Variants in SMARCC1 observed in about 807,000 individuals in gnomAD.
SMARCC1 encodes SWI/SNF complex subunit SMARCC1.
In SMARCC1, 43 loss-of-function variants were observed where a neutral mutation model predicts 147.4. The ratio of observed to expected loss-of-function variants is 0.29; its 90% CI spans 0.23 to 0.38. The LOEUF is 0.38. Ranked by LOEUF, SMARCC1 falls within the 10% of genes least tolerant of loss-of-function variation. The probability of loss-of-function intolerance (pLI) is 1.00; values close to 1 mark genes in which losing one functional copy is unlikely to be tolerated. For missense variants in SMARCC1, 1,119 were observed against 1,381.1 expected, an observed-to-expected ratio of 0.81 and a Z score of 3.01; for synonymous variants, 495 against 484.4, an observed-to-expected ratio of 1.02 and a Z score of -0.29.
intron 21 of SMARCC1, among the ~76,000 whole-genome samples, chr3:47,650,289 AATAATAATAATT>A (rs1465543432): frequency 7.1e-6 from 1 of 140,002 alleles, no homozygotes; most frequent in Non-Finnish European, 1.6e-5. Context: ...TAATAATAAT[AATAATAATAATT>A]ATTATTATTA....
At chr3:47,663,193 AGGGGTGG>A (rs1340305910) in intron 19 of SMARCC1, among the ~76,000 whole-genome samples, 26 of 22,712 alleles carry the variant, frequency 1.1e-3, no homozygotes, top group Admixed American at 4.8e-3. Context: ...AGGGGAGGGG[AGGGGTGG>A]GGAGGGGAGG....
chr3:47,726,288 C>T (rs1317605331), intron 6 of SMARCC1, among the ~76,000 whole-genome samples: 2 of 151,160 alleles, frequency 1.3e-5, no homozygotes, highest in East Asian at 3.9e-4. Context: ...GAGAACATGG[C>T]CCAGTCAGGA....
At chr3:47,720,806 A>G in intron 6 of SMARCC1, 71 bp from the exon 7 acceptor site, 1 of 1,149,678 alleles carries the variant, frequency 8.7e-7, no homozygotes, top group South Asian at 1.3e-5. Flanking sequence ...TTTAGCCTTA[A>G]TTTTTACTAA....
intron 21 of SMARCC1, among the ~76,000 whole-genome samples, chr3:47,655,409 A>G (rs1559636138): frequency 6.6e-6 from 1 of 151,890 alleles, no homozygotes. Flanking sequence ...AAAAAAAATA[A>G]TAATAGGCCA....
rs1181050809 is a variant in SMARCC1 at position 47,587,765 on chromosome 3, T to G, written c.*444A>C. ...GCCCATCATTATTTTTTGGTTCCTA[T>G]TAACTTAGGATGCTCTCCTTTAAAA... On this transcript the variant is annotated 3_prime_UTR_variant, in exon 28 of 28. Transcript: ENST00000254480. 6.4e-6 allele frequency: 1 copy of G among 156,852 alleles called. No homozygotes were observed. The highest frequency in any genetic ancestry group is 2.4e-5 in the African/African-American group (1 of 41,474). The allele number at this position is 156,852 out of a possible 1,614,324, so 9.7% of individuals were successfully genotyped here.
chr3:47,676,141 T>G (rs1365104183), intron 17 of SMARCC1, among the ~76,000 whole-genome samples: 1 of 152,176 alleles, frequency 6.6e-6, no homozygotes, highest in Non-Finnish European at 1.5e-5. Context: ...TGGGACAAAA[T>G]TTATACCTTA....
intron 25 of SMARCC1, among the ~76,000 whole-genome samples, chr3:47,615,813 A>G (rs1056741536): frequency 6.6e-6 from 1 of 152,060 alleles, no homozygotes; most frequent in African/African-American, 2.4e-5. Context: ...CCTCCTGAAT[A>G]GCTGGAATTA....
At chr3:47,755,409 A>G (rs2034683788) in intron 2 of SMARCC1, among the ~76,000 whole-genome samples, 1 of 150,078 alleles carries the variant, frequency 6.7e-6, no homozygotes, top group Non-Finnish European at 1.5e-5. Context: ...AGGCAGGAGA[A>G]TGGCGTGAAC....
At chr3:47,682,071 C>CTTTT (rs879416766) in intron 14 of SMARCC1, among the ~76,000 whole-genome samples, 1 of 146,568 alleles carries the variant, frequency 6.8e-6, no homozygotes, top group Non-Finnish European at 1.5e-5. Flanking sequence ...CACACACACA[C>CTTTT]TTTTTTTTTT....
chr3:47,746,261 C>G (rs1463452045), intron 2 of SMARCC1: 4 of 283,870 alleles, frequency 1.4e-5, no homozygotes, highest in African/African-American at 6.6e-5. Context: ...CCAGTCTGGG[C>G]AACACAGGGA....
At chr3:47,769,211 A>C (rs13059298) in intron 2 of SMARCC1, among the ~76,000 whole-genome samples, 1,412 of 33,112 alleles carry the variant, frequency 0.043, 44 homozygotes, top group Middle Eastern at 0.089. Context: ...ACTCCGTCTC[A>C]AAAAAAAAAA....
chr3:47,767,901 T>G (rs1215189307), intron 2 of SMARCC1, among the ~76,000 whole-genome samples: 2 of 148,906 alleles, frequency 1.3e-5, no homozygotes, highest in Non-Finnish European at 3.0e-5. Context: ...TAAGACAGAG[T>G]CTCAGCTCAC....
At chr3:47,779,122 T>A (rs1044292551) in intron 1 of SMARCC1, among the ~76,000 whole-genome samples, 1 of 151,670 alleles carries the variant, frequency 6.6e-6, no homozygotes, top group Non-Finnish European at 1.5e-5. Context: ...ACATGGTAAA[T>A]GCTCAGTTGT....
chr3:47,770,999 C>T (rs1276661896), intron 2 of SMARCC1, among the ~76,000 whole-genome samples: 4 of 152,140 alleles, frequency 2.6e-5, no homozygotes, highest in Non-Finnish European at 4.4e-5. Context: ...CAAGCTCTGC[C>T]TCCCGGGTTC....
At chr3:47,673,164 A>C (rs974361791) in intron 18 of SMARCC1, among the ~76,000 whole-genome samples, 6 of 151,946 alleles carry the variant, frequency 3.9e-5, no homozygotes, top group African/African-American at 1.5e-4. Context: ...AAGGTCGATC[A>C]CTGGAGCTCA....
chr3:47,631,850 C>T (rs1197770317), intron 24 of SMARCC1, among the ~76,000 whole-genome samples: 2 of 152,118 alleles, frequency 1.3e-5, no homozygotes, highest in East Asian at 3.8e-4. Context: ...TAAGTGAATT[C>T]CTTACCCCCC....
chr3:47,657,437 A>G (rs2033278141), intron 21 of SMARCC1, among the ~76,000 whole-genome samples: 1 of 152,258 alleles, frequency 6.6e-6, no homozygotes, highest in African/African-American at 2.4e-5. Context: ...TCACAAATTT[A>G]TGAAAATTCA....
At chr3:47,664,136 T>C (rs1448172586) in intron 19 of SMARCC1, among the ~76,000 whole-genome samples, 1 of 151,382 alleles carries the variant, frequency 6.6e-6, no homozygotes, top group Non-Finnish European at 1.5e-5. Context: ...CATACTTCTA[T>C]TTGTGCCACA....
intron 25 of SMARCC1, among the ~76,000 whole-genome samples, chr3:47,620,399 G>A (rs2032710636): frequency 6.6e-6 from 1 of 151,866 alleles, no homozygotes. Context: ...GGAGGTGGAG[G>A]TTGTGGTGAG....
Sources: allele counts gnomAD v4.1 joint callset (sites outside exome capture counted in the v4.1 genomes callset), GRCh38; gene constraint gnomAD v4.1.1; transcripts MANE v1.5; gene names NCBI Gene and HGNC (gene_info 2026-07-23, HGNC 2026-07-21).